Variants in DOCK2 observed in about 807,000 individuals in gnomAD.
DOCK2 encodes the protein dedicator of cytokinesis 2.
Under a neutral mutation model 248.9 loss-of-function variants are expected in DOCK2, and 87 were observed. That is an observed-to-expected ratio of 0.35 (90% CI 0.29 to 0.42). The LOEUF (loss-of-function observed/expected upper bound fraction) is 0.42. Among genes scored for constraint, DOCK2 ranks in the 10% least tolerant of loss-of-function variants. The pLI, the probability that DOCK2 is intolerant of heterozygous loss-of-function variation, is 1.00. For missense variants in DOCK2, 1,747 were observed against 2,300.2 expected (o/e 0.76, Z 4.92); for synonymous variants, 805 against 821.6 (o/e 0.98, Z 0.35).
intron 22 of DOCK2, among the ~76,000 whole-genome samples, chr5:169,741,368 G>A (rs1475945553): frequency 1.3e-5 from 2 of 152,200 alleles, no homozygotes; most frequent in African/African-American, 4.8e-5. Flanking sequence ...ACAGGATTGG[G>A]AAGTGCAAGG....
At chr5:169,883,602 A>G in intron 27 of DOCK2, 16 of 1,551,576 alleles carry the variant, frequency 1.0e-5, no homozygotes, top group African/African-American at 1.4e-5. Flanking sequence ...GACTGGGGGA[A>G]GTTTGGATTG....
At chr5:169,667,795 A>C (rs1344395934) in intron 2 of DOCK2, among the ~76,000 whole-genome samples, 1 of 152,272 alleles carries the variant, frequency 6.6e-6, no homozygotes, top group Admixed American at 6.5e-5. Context: ...CATAGGAAGC[A>C]CTTAGAAAGT....
intron 26 of DOCK2, among the ~76,000 whole-genome samples, chr5:169,820,698 A>G (rs1336593581): frequency 6.6e-6 from 1 of 152,230 alleles, no homozygotes; most frequent in Non-Finnish European, 1.5e-5. Context: ...TGAAAATTCT[A>G]AAAATCAGAG....
At chr5:169,971,649 T>C (rs531047783) in intron 27 of DOCK2, among the ~76,000 whole-genome samples, 1 of 152,178 alleles carries the variant, frequency 6.6e-6, no homozygotes, top group Non-Finnish European at 1.5e-5. Flanking sequence ...TAGTACTCCC[T>C]TTATAGAAAT....
intron 38 of DOCK2, 112 bp downstream of exon 38, chr5:170,042,244 C>T: frequency 7.6e-7 from 1 of 1,320,984 alleles, no homozygotes; most frequent in South Asian, 1.5e-5. Flanking sequence ...CCTGCAAATC[C>T]TAACTCTGAT....
chr5:169,955,240 T>A lies in DOCK2; in HGVS notation c.2800-27828T>A, dbSNP rs373743416. ...CCTGCAGGAGAAGGGGAGATGCCCC[T>A]GCCCGGGACCACACAGGACAGAAGG... On this transcript the variant is annotated intron_variant, in intron 27 of 51. Transcript: ENST00000520908. Among the ~76,000 whole-genome samples, 25 of 152,274 alleles carry A rather than the reference T, an allele frequency of 1.6e-4. 1 individual carries two copies. The East Asian group carries it at 3.5e-3, about 21-fold the overall frequency.
intron 23 of DOCK2, among the ~76,000 whole-genome samples, chr5:169,748,071 G>A (rs1390145156): frequency 1.3e-5 from 2 of 152,236 alleles, no homozygotes; most frequent in East Asian, 3.8e-4. Context: ...GGCACTGGGG[G>A]TGCGGGTGGG....
At chr5:169,997,441 G>A (rs1393878968) in intron 30 of DOCK2, among the ~76,000 whole-genome samples, 1 of 146,436 alleles carries the variant, frequency 6.8e-6, no homozygotes, top group African/African-American at 2.6e-5. Flanking sequence ...TCGGGCTGGG[G>A]GACGGTCAGG....
chr5:170,075,225 T>C (rs568968613), intron 46 of DOCK2, among the ~76,000 whole-genome samples: 1 of 152,304 alleles, frequency 6.6e-6, no homozygotes, highest in Non-Finnish European at 1.5e-5. Flanking sequence ...TCAGTTCTCT[T>C]TCTGACAGTG....
Position 169,802,941 on chromosome 5 carries a change from T to G in DOCK2, c.2555-117T>G, listed in dbSNP as rs532590535. The G allele has an allele frequency of 2.1e-4, 262 of 1,262,646 alleles. 2 individuals are homozygous for G. In the African/African-American group the frequency reaches 3.8e-3, roughly 18 times the overall value. The allele number at this position is 1,262,646 out of a possible 1,614,324, so 78.2% of individuals were successfully genotyped here. On this transcript the variant is annotated intron_variant, in intron 25 of 51. Transcript: ENST00000520908. Reference sequence around the variant, plus strand: ...ACCTAATCTTTAATATTTTAATTTTTTACAAGGAGAATGTCTTCATGAACT... The same window carrying G: ...ACCTAATCTTTAATATTTTAATTTTGTACAAGGAGAATGTCTTCATGAACT...
intron 30 of DOCK2, among the ~76,000 whole-genome samples, chr5:170,005,716 T>C (rs1407478559): frequency 1.3e-5 from 2 of 152,130 alleles, no homozygotes; most frequent in Non-Finnish European, 2.9e-5. Context: ...AAGTGAATTT[T>C]ATGGTATATA....
chr5:169,816,535 C>T (rs1036597347), intron 26 of DOCK2, among the ~76,000 whole-genome samples: 1 of 152,212 alleles, frequency 6.6e-6, no homozygotes, highest in African/African-American at 2.4e-5. Context: ...CCTCTCCAAC[C>T]ACATTTCCAA....
intron 22 of DOCK2, among the ~76,000 whole-genome samples, chr5:169,735,951 GGA>G (rs144466698): frequency 5.1e-4 from 74 of 146,374 alleles, no homozygotes; most frequent in Non-Finnish European, 7.2e-4. Flanking sequence ...GGGGGGAGAG[GGA>G]GAGAGAGAGA....
chr5:169,839,295 C>T (rs1409810509), intron 26 of DOCK2, among the ~76,000 whole-genome samples: 1 of 152,180 alleles, frequency 6.6e-6, no homozygotes, highest in Non-Finnish European at 1.5e-5. Flanking sequence ...AGCAGAGGAC[C>T]CAGGCATGTA....
At chr5:169,755,798 T>A (rs924248910) in intron 23 of DOCK2, among the ~76,000 whole-genome samples, 5 of 152,132 alleles carry the variant, frequency 3.3e-5, no homozygotes, top group Non-Finnish European at 4.4e-5. Context: ...GAAACTCAGT[T>A]CCCAGGATAG....
Position 170,063,346 on chromosome 5 carries a change from A to G in DOCK2, c.4468-4164A>G, listed in dbSNP as rs142387208. On this transcript the variant is annotated intron_variant, in intron 44 of 51. Coordinates refer to ENST00000520908, the MANE Select transcript of DOCK2 (RefSeq NM_004946.3). ...TCTGGGAACAGAAGGGAGCAGGCAT[A>G]TGCAATTCTCCCCAGATCACAGAAC... Among the ~76,000 whole-genome samples, 212 of 152,306 alleles carry G rather than the reference A, an allele frequency of 1.4e-3. 1 individual carries two copies. Among genetic ancestry groups the G allele is most frequent in the African/African-American group, 4.8e-3 (201 of 41,558 alleles).
At chr5:170,067,980 G>A (rs1757555641) in intron 45 of DOCK2, among the ~76,000 whole-genome samples, 1 of 152,184 alleles carries the variant, frequency 6.6e-6, no homozygotes, top group African/African-American at 2.4e-5. Context: ...GCTCTATTAA[G>A]GAAAGGCTCT....
chr5:169,986,312 A>T (rs1778068426), intron 29 of DOCK2, among the ~76,000 whole-genome samples: 1 of 152,224 alleles, frequency 6.6e-6, no homozygotes, highest in Non-Finnish European at 1.5e-5. Context: ...ACAGATTTCC[A>T]TGCTGCAGGA....
chr5:170,077,650 G>A (rs959628315), intron 47 of DOCK2, 60 bp from the exon 48 acceptor site: 3 of 1,599,268 alleles, frequency 1.9e-6, no homozygotes, highest in Admixed American at 1.7e-5. Flanking sequence ...AAGGTGACAG[G>A]AAGGCTGGGG....
Sources: allele counts gnomAD v4.1 joint callset (sites outside exome capture counted in the v4.1 genomes callset), GRCh38; gene constraint gnomAD v4.1.1; transcripts MANE v1.5; gene names NCBI Gene and HGNC (gene_info 2026-07-23, HGNC 2026-07-21).